Variants in OR9Q1 observed in about 807,000 individuals in gnomAD.
OR9Q1 encodes the protein olfactory receptor 9Q1.
For synonymous variants in OR9Q1, 153 were observed against 148.6 expected (o/e 1.03, Z -0.22); for missense variants, 374 against 378.8 (o/e 0.99, Z 0.11).
Position 58,180,229 on chromosome 11 carries a change from A to T in OR9Q1, c.785A>T (p.Asn262Ile), listed in dbSNP as rs778641572. 21 of 1,613,936 alleles carry T rather than the reference A, an allele frequency of 1.3e-5. No homozygotes were observed. The Middle Eastern group carries it at 4.9e-4, about 38-fold the overall frequency. The change falls in exon 3 of 3, where the codon AAC becomes ATC. Residue 262 changes from asparagine to isoleucine, a missense_variant. Asn to Ile is a moderately radical substitution (Grantham distance 149, BLOSUM62 -3). Coordinates refer to ENST00000335397, the MANE Select transcript of OR9Q1 (RefSeq NM_001005212.4). ...GTLIFMYLRG[N>I]SDQSSEKNRV... ...CTCATCTTCATGTACTTGAGAGGTAACTCAGATCAGTCTTCGGAGAAGAAT... is the reference window on the plus strand; with the variant it reads ...CTCATCTTCATGTACTTGAGAGGTATCTCAGATCAGTCTTCGGAGAAGAAT...
At chr11:58,170,633 A>G (rs1269166330) in intron 2 of OR9Q1, among the ~76,000 whole-genome samples, 1 of 152,170 alleles carries the variant, frequency 6.6e-6, no homozygotes, top group African/African-American at 2.4e-5. Flanking sequence ...ATAATGAGTC[A>G]TGGGGGTGGT....
intron 2 of OR9Q1, among the ~76,000 whole-genome samples, chr11:58,158,474 AG>A (rs1205733867): frequency 6.7e-6 from 1 of 149,750 alleles, no homozygotes; most frequent in African/African-American, 2.5e-5. Flanking sequence ...TTTTAAAAGA[AG>A]TGGGCTATTA....
chr11:58,102,475 A>C (rs1033030174), intron 2 of OR9Q1, among the ~76,000 whole-genome samples: 1 of 151,858 alleles, frequency 6.6e-6, no homozygotes, highest in African/African-American at 2.4e-5. Context: ...GAATTTCCTC[A>C]GTCTTTCCTT....
intron 2 of OR9Q1, among the ~76,000 whole-genome samples, chr11:58,142,422 C>T (rs533891606): frequency 1.4e-4 from 21 of 152,038 alleles, no homozygotes; most frequent in African/African-American, 3.4e-4. Context: ...AAGAACATGG[C>T]GAATCATTGT....
intron 2 of OR9Q1, among the ~76,000 whole-genome samples, chr11:58,120,680 A>G (rs1014045653): frequency 1.1e-4 from 17 of 151,476 alleles, no homozygotes; most frequent in African/African-American, 3.6e-4. Flanking sequence ...TGTTGTTGCT[A>G]TTATCATCAA....
At chr11:58,153,367 C>A (rs1399469338) in intron 2 of OR9Q1, among the ~76,000 whole-genome samples, 1 of 152,002 alleles carries the variant, frequency 6.6e-6, no homozygotes, top group Non-Finnish European at 1.5e-5. Context: ...TGGTGAGTTC[C>A]CTTTCCCCGG....
chr11:58,026,682 C>CAAAA (rs61606334), intron 1 of OR9Q1: 2 of 77,454 alleles, frequency 2.6e-5, no homozygotes, highest in Non-Finnish European at 2.3e-5. Context: ...ACTCTGTAAC[C>CAAAA]AAAAAAAAAA....
chr11:58,129,055 T>C (rs11604473), intron 2 of OR9Q1, among the ~76,000 whole-genome samples: 31,934 of 152,154 alleles, frequency 0.21, 3,918 homozygotes, highest in Middle Eastern at 0.38. Flanking sequence ...AAAATCTCAG[T>C]GCTTTAAAAC....
At chr11:58,053,459 G>T (rs28581828) in intron 1 of OR9Q1, among the ~76,000 whole-genome samples, 2 of 81,968 alleles carry the variant, frequency 2.4e-5, no homozygotes, top group Admixed American at 1.8e-4. Flanking sequence ...GGGGTGGGGG[G>T]AGGGGGGAGG....
At chr11:58,159,373 A>G (rs1854436951) in intron 2 of OR9Q1, among the ~76,000 whole-genome samples, 1 of 152,244 alleles carries the variant, frequency 6.6e-6, no homozygotes, top group South Asian at 2.1e-4. Context: ...GCAACTAAAT[A>G]GAAACAAATT....
In OR9Q1 at chr11:58,125,958, C is replaced by T. The variant is rs149806293; in HGVS notation, c.-14-53473C>T. 2.3e-4 allele frequency among the ~76,000 whole-genome samples: 35 copies of T among 152,298 alleles called. 1 individual carries two copies. In the East Asian group the frequency reaches 6.8e-3, roughly 29 times the overall value. On this transcript the variant is annotated intron_variant, in intron 2 of 2. Coordinates refer to ENST00000335397, the MANE Select transcript of OR9Q1 (RefSeq NM_001005212.4). ...CTGGTAAAGTTCTCTTTACAACACA[C>T]TCATCCTTAGTCCTGATGTCAAGTC...
chr11:58,118,839 AAAG>A, intron 2 of OR9Q1: 3 of 1,614,070 alleles, frequency 1.9e-6, no homozygotes, highest in Non-Finnish European at 2.5e-6. Context: ...CAAAATTGCC[AAAG>A]AAGATGATGA....
intron 2 of OR9Q1, among the ~76,000 whole-genome samples, chr11:58,153,286 C>T (rs1284812047): frequency 6.6e-6 from 1 of 152,144 alleles, no homozygotes; most frequent in African/African-American, 2.4e-5. Context: ...AGATGGATGC[C>T]TTGGCTTTTA....
intron 1 of OR9Q1, among the ~76,000 whole-genome samples, chr11:58,032,203 A>C (rs1485855410): frequency 6.6e-6 from 1 of 152,218 alleles, no homozygotes; most frequent in African/African-American, 2.4e-5. Context: ...CGCAGATTCA[A>C]TGCTATTCCT....
chr11:58,116,584 C>T (rs184053130), intron 2 of OR9Q1, among the ~76,000 whole-genome samples: 4 of 152,246 alleles, frequency 2.6e-5, no homozygotes, highest in African/African-American at 9.6e-5. Context: ...GAGAATGATG[C>T]TTATTATTCT....
Position 58,180,198 on chromosome 11 carries a change from G to A in OR9Q1, c.754G>A (p.Gly252Ser). ...CCTCACTGCTGTGTCACTCTTCTTT[G>A]GTACCCTCATCTTCATGTACTTGAG... ...SHLTAVSLFF[G>S]TLIFMYLRGN... The change falls in exon 3 of 3, where the codon GGT (glycine) becomes AGT (serine). Residue 252 changes from glycine to serine, a missense_variant. Physicochemically the swap from Gly to Ser is moderately conservative, Grantham distance 56 (BLOSUM62 0). Coordinates refer to ENST00000335397, the MANE Select transcript of OR9Q1 (RefSeq NM_001005212.4). 2.5e-6 allele frequency: 4 copies of A among 1,613,950 alleles called. No individual in the cohort carries two copies. The highest frequency in any genetic ancestry group is 3.4e-6 in the Non-Finnish European group (4 of 1,179,946).
chr11:58,127,850 T>C (rs1167867142), intron 2 of OR9Q1, among the ~76,000 whole-genome samples: 2 of 152,224 alleles, frequency 1.3e-5, no homozygotes, highest in East Asian at 3.8e-4. Flanking sequence ...GTTTGGACTT[T>C]TGGAAAACCC....
chr11:58,124,833 C>A (rs983831223), intron 2 of OR9Q1, among the ~76,000 whole-genome samples: 3 of 152,130 alleles, frequency 2.0e-5, no homozygotes, highest in African/African-American at 7.2e-5. Flanking sequence ...TCCTGGCAAC[C>A]ATTTATCGAA....
chr11:58,179,546 G>T lies in OR9Q1; in HGVS notation c.102G>T (p.Met34Ile), dbSNP rs752453974. 3 of 1,613,022 alleles carry T rather than the reference G, an allele frequency of 1.9e-6. No homozygotes were observed. In the Admixed American group the frequency reaches 5.0e-5, roughly 27 times the overall value. ...CTCTCTTCCTCTTGTTTTTATTTATGTATCTCATCACCGTATTGGGGAACT... is the reference window on the plus strand; with the variant it reads ...CTCTCTTCCTCTTGTTTTTATTTATTTATCTCATCACCGTATTGGGGAACT... Reference protein sequence around the residue: ...ALPLFLLFLFMYLITVLGNLE... With the variant: ...ALPLFLLFLFIYLITVLGNLE... The change falls in exon 3 of 3, where the codon ATG (methionine) becomes ATT (isoleucine). Residue 34 changes from methionine to isoleucine, a missense_variant. By Grantham distance (10) the Met-to-Ile change is conservative (BLOSUM62 1). Coordinates refer to ENST00000335397, the MANE Select transcript of OR9Q1 (RefSeq NM_001005212.4).
Sources: allele counts gnomAD v4.1 joint callset (sites outside exome capture counted in the v4.1 genomes callset), GRCh38; gene constraint gnomAD v4.1.1; transcripts MANE v1.5; gene names NCBI Gene and HGNC (gene_info 2026-07-23, HGNC 2026-07-21).